Variants in ACTR3C observed in about 807,000 individuals in gnomAD.
The protein encoded by ACTR3C is actin related protein 3C.
ACTR3C carries 18 observed loss-of-function variants against 26.3 expected under a neutral mutation model. The ratio of observed to expected loss-of-function variants is 0.68; its 90% CI spans 0.47 to 1.01. The LOEUF is 1.01. ACTR3C is among the 50% of genes least tolerant of loss of function. The probability of loss-of-function intolerance (pLI) is 0.00; values close to 1 mark genes in which losing one functional copy is unlikely to be tolerated. For missense variants in ACTR3C, 184 were observed against 250.7 expected, an observed-to-expected ratio of 0.73 and a Z score of 1.80; for synonymous variants, 55 against 94.5, an observed-to-expected ratio of 0.58 and a Z score of 2.42.
chr7:150,083,135 T>G, the ACTR3C span, among the ~76,000 whole-genome samples: 1 of 151,168 alleles, frequency 6.6e-6, no homozygotes, highest in African/African-American at 2.4e-5. Flanking sequence ...TCTTTTTTTG[T>G]AGAGACAGGC....
chr7:150,090,214 G>A, the ACTR3C span, among the ~76,000 whole-genome samples: 17 of 152,334 alleles, frequency 1.1e-4, no homozygotes, highest in Admixed American at 4.6e-4. Context: ...AATAATTCTC[G>A]TTTAATTGAT....
intron 1 of ACTR3C, among the ~76,000 whole-genome samples, chr7:150,318,806 T>C (rs963171310): frequency 2.0e-5 from 3 of 152,198 alleles, no homozygotes; most frequent in Non-Finnish European, 2.9e-5. Context: ...AAGATTCTTC[T>C]GGGGGCCCGT....
At chr7:150,154,385 T>C in the ACTR3C span, among the ~76,000 whole-genome samples, 1 of 152,046 alleles carries the variant, frequency 6.6e-6, no homozygotes, top group Admixed American at 6.6e-5. Flanking sequence ...GTTGTATATT[T>C]CCATTTATAT....
the ACTR3C span, among the ~76,000 whole-genome samples, chr7:150,114,454 T>C: frequency 6.6e-6 from 1 of 152,012 alleles, no homozygotes; most frequent in Admixed American, 6.6e-5. Flanking sequence ...TGAACAGGTC[T>C]CGGTAGGAGT....
the ACTR3C span, among the ~76,000 whole-genome samples, chr7:150,175,421 A>G: frequency 6.8e-6 from 1 of 146,174 alleles, no homozygotes; most frequent in Non-Finnish European, 1.5e-5. Context: ...TCGTATTCAC[A>G]GCTTCTTCAT....
the ACTR3C span, among the ~76,000 whole-genome samples, chr7:150,156,986 T>A: frequency 1.1e-4 from 17 of 151,394 alleles, no homozygotes; most frequent in African/African-American, 4.1e-4. Context: ...TAAAACCCTA[T>A]GAGTCATGTG....
chr7:150,037,925 G>GAT, the ACTR3C span, among the ~76,000 whole-genome samples: 1 of 137,474 alleles, frequency 7.3e-6, no homozygotes. Flanking sequence ...GTCGCGAGGG[G>GAT]TGCCTCCCCC....
the ACTR3C span, among the ~76,000 whole-genome samples, chr7:149,928,152 T>C: frequency 2.0e-5 from 3 of 151,986 alleles, no homozygotes; most frequent in East Asian, 5.8e-4. Context: ...AAGCCACAGA[T>C]ACTCAGGCAA....
At chr7:150,103,025 G>A in the ACTR3C span, among the ~76,000 whole-genome samples, 26 of 152,018 alleles carry the variant, frequency 1.7e-4, 1 homozygote, top group Admixed American at 6.6e-5. Context: ...GAGGAGAGCT[G>A]TGTATAAATG....
chr7:149,893,013 G>C, the ACTR3C span, among the ~76,000 whole-genome samples: 1 of 151,912 alleles, frequency 6.6e-6, no homozygotes, highest in South Asian at 2.1e-4. Context: ...ATTTTAATAA[G>C]ATCTTAACCT....
At chr7:150,238,613 T>A in the ACTR3C span, among the ~76,000 whole-genome samples, 3 of 145,020 alleles carry the variant, frequency 2.1e-5, no homozygotes, top group Admixed American at 6.8e-5. Context: ...TATCTAATTT[T>A]ATCAGCCAGT....
At chr7:149,983,822 C>CA in the ACTR3C span, among the ~76,000 whole-genome samples, 1 of 152,004 alleles carries the variant, frequency 6.6e-6, no homozygotes, top group Non-Finnish European at 1.5e-5. Context: ...CTGCCATATG[C>CA]AAAAACATGA....
At chr7:149,933,601 A>C in the ACTR3C span, among the ~76,000 whole-genome samples, 1 of 152,276 alleles carries the variant, frequency 6.6e-6, no homozygotes, top group Non-Finnish European at 1.5e-5. Context: ...AAATAATTGA[A>C]GTACAAACCC....
the ACTR3C span, chr7:150,062,312 A>G: frequency 1.4e-5 from 1 of 69,090 alleles, no homozygotes; most frequent in African/African-American, 6.5e-5. Context: ...TTTTTTTAAA[A>G]TTGAAAAATC....
the ACTR3C span, among the ~76,000 whole-genome samples, chr7:149,934,715 G>A: frequency 6.7e-6 from 1 of 148,894 alleles, no homozygotes; most frequent in South Asian, 2.2e-4. Context: ...GCTGGTCAGT[G>A]CGGGTTCCCG....
At chr7:150,302,928 ACT>A (rs1563199693) in intron 1 of ACTR3C, 1 of 152,132 alleles carries the variant, frequency 6.6e-6, no homozygotes, top group Non-Finnish European at 1.5e-5. Context: ...CATGGGTGAC[ACT>A]CTCCACATAG....
chr7:150,167,384 C>G, the ACTR3C span, among the ~76,000 whole-genome samples: 1 of 150,688 alleles, frequency 6.6e-6, no homozygotes, highest in African/African-American at 2.5e-5. Flanking sequence ...GTTACTGTCA[C>G]TTTTGATCTA....
At chr7:150,035,314 TA>T in the ACTR3C span, among the ~76,000 whole-genome samples, 2 of 48,644 alleles carry the variant, frequency 4.1e-5, 1 homozygote, top group African/African-American at 1.3e-4. Context: ...GCGATGGGGG[TA>T]CCAACAGCCA....
At chr7:150,035,899 G>C in the ACTR3C span, among the ~76,000 whole-genome samples, 1 of 136,574 alleles carries the variant, frequency 7.3e-6, no homozygotes, top group African/African-American at 2.6e-5. Flanking sequence ...ATAGCTCTCA[G>C]TCCCCACCCT....
Sources: allele counts gnomAD v4.1 joint callset (sites outside exome capture counted in the v4.1 genomes callset), GRCh38; gene constraint gnomAD v4.1.1; transcripts MANE v1.5; gene names NCBI Gene and HGNC (gene_info 2026-07-23, HGNC 2026-07-21).